The following TTPAL variants were observed in gnomAD, a reference collection of about 807,000 sequenced individuals.
The protein encoded by TTPAL is alpha-tocopherol transfer protein-like.
In TTPAL, 21 loss-of-function variants were observed where a neutral mutation model predicts 28.7. The ratio of observed to expected loss-of-function variants is 0.73; its 90% confidence interval spans 0.52 to 1.06. TTPAL has a LOEUF of 1.06. Among genes scored for constraint, TTPAL ranks in the 50% least tolerant of loss-of-function variants. The pLI, the probability that TTPAL is intolerant of heterozygous loss-of-function variation, is 0.00. For missense variants in TTPAL, 345 were observed against 425.5 expected (o/e 0.81, Z 1.67); for synonymous variants, 169 against 171.9 (o/e 0.98, Z 0.13).
chr20:44,494,094 T>A lies in TTPAL; in HGVS notation c.*4553T>A, dbSNP rs1568779857. 6.8e-6 allele frequency: 1 copy of A among 146,622 alleles called. No individual in the cohort carries two copies. The allele number at this position is 146,622 out of a possible 1,614,324, so 9.1% of individuals were successfully genotyped here. A position where few individuals can be genotyped will look rare whatever the true frequency, so the allele number is the denominator to read the frequency against. On this transcript the variant is annotated 3_prime_UTR_variant, in exon 5 of 5. Transcript: ENST00000262605. ...ACTTAGAGAAATGGTTTGCTTAAAA[T>A]GCTAGTAACAAACATCACAGTCAAC...
Position 44,484,470 on chromosome 20 carries a change from T to C in TTPAL, c.579T>C (p.Ser193=), listed in dbSNP as rs1232140797. The C allele has an allele frequency of 1.5e-5, 24 of 1,597,824 alleles. No individual in the cohort carries two copies. Among genetic ancestry groups the C allele is most frequent in the Non-Finnish European group, 1.9e-5 (22 of 1,166,958 alleles). The change falls in exon 3 of 5, where the codon AGT becomes AGC. Residue 193 remains serine (S), a synonymous_variant. Coordinates refer to ENST00000262605, the MANE Select transcript of TTPAL (RefSeq NM_001039199.3). ...IVILADYKGV[S]LSKASHFGPF... The stretch of plus-strand genomic sequence containing the variant: ...TTCTTGCAGACTACAAAGGAGTGAG[T>C]TTATCAAAAGCATCTCACTTTGGCC...
At chr20:44,489,212 C>A in intron 4 of TTPAL, 51 bp from the exon 5 acceptor site, 1 of 1,554,384 alleles carries the variant, frequency 6.4e-7, no homozygotes, top group Non-Finnish European at 8.8e-7. Flanking sequence ...GAGATTTCTG[C>A]ATTCCTGATT....
chr20:44,484,285 C>A, intron 2 of TTPAL, 52 bp from the exon 3 acceptor site: 2 of 1,252,104 alleles, frequency 1.6e-6, no homozygotes, highest in Admixed American at 2.5e-5. Context: ...TTTGTTTGAC[C>A]ACTTATTTAT....
In TTPAL at chr20:44,475,951, C is replaced by G. The variant is rs2122723337; in HGVS notation, c.-56C>G. 6.6e-6 allele frequency: 1 copy of G among 152,410 alleles called. No individual in the cohort carries two copies. Among genetic ancestry groups the G allele is most frequent in the Non-Finnish European group, 1.5e-5 (1 of 68,066 alleles). The allele number at this position is 152,410 out of a possible 1,614,324, so 9.4% of individuals were successfully genotyped here. On this transcript the variant is annotated 5_prime_UTR_variant, in exon 1 of 5. Transcript: ENST00000262605. ...TCTGCGTGCGCTGCCGGACGAGGCTCCCGCCGCCGATTGACCCGCGCTCCG... is the reference window on the plus strand; with the variant it reads ...TCTGCGTGCGCTGCCGGACGAGGCTGCCGCCGCCGATTGACCCGCGCTCCG...
chr20:44,489,030 G>C (rs2064178580), intron 4 of TTPAL, among the ~76,000 whole-genome samples: 1 of 152,212 alleles, frequency 6.6e-6, no homozygotes, highest in African/African-American at 2.4e-5. Flanking sequence ...GTGGTGGTGA[G>C]GCGGCTGGAT....
Position 44,489,812 on chromosome 20 carries a change from G to A in TTPAL, c.*271G>A. On this transcript the variant is annotated 3_prime_UTR_variant, in exon 5 of 5. Transcript: ENST00000262605. ...TTAATCTGGAGGCTATATCTATTTT[G>A]TTTTGCTTTTTGGTTGGGGGGTGGT... is the stretch of plus-strand genomic sequence containing the variant. 4.9e-6 allele frequency: 2 copies of A among 404,652 alleles called. No homozygotes were observed. Among genetic ancestry groups the A allele is most frequent in the Non-Finnish European group, 8.8e-6 (2 of 226,070 alleles). The allele number at this position is 404,652 out of a possible 1,614,324, so 25.1% of individuals were successfully genotyped here.
chr20:44,481,044 G>A (rs1010663430), intron 2 of TTPAL, among the ~76,000 whole-genome samples: 2 of 152,210 alleles, frequency 1.3e-5, no homozygotes, highest in African/African-American at 4.8e-5. Flanking sequence ...GTGCAAGGGT[G>A]CGGACTGGGC....
Position 44,489,891 on chromosome 20 carries a change from T to C in TTPAL, c.*350T>C, listed in dbSNP as rs1033974121. 1.3e-5 allele frequency: 3 copies of C among 225,288 alleles called. No individual in the cohort carries two copies. The highest frequency in any genetic ancestry group is 6.8e-5 in the African/African-American group (3 of 44,056). The allele number at this position is 225,288 out of a possible 1,614,324, so 14.0% of individuals were successfully genotyped here. On this transcript the variant is annotated 3_prime_UTR_variant, in exon 5 of 5. Coordinates refer to ENST00000262605, the MANE Select transcript of TTPAL (RefSeq NM_001039199.3). The stretch of plus-strand genomic sequence containing the variant: ...AGAACAATCAGGACCAAAGTCACTT[T>C]GATCCCACTTTTCCAGGAGAAAAAC...
In TTPAL at chr20:44,484,334, T is replaced by C; in HGVS notation, c.446-3T>C. ...ACATACTGTCAATCTCTTATGACCT[T>C]AGACAGATGGATACCAAGCAACTAT... is the stretch of plus-strand genomic sequence containing the variant. On this transcript the variant is annotated splice_polypyrimidine_tract_variant and splice_region_variant and intron_variant, in intron 2 of 4. Coordinates refer to ENST00000262605, the MANE Select transcript of TTPAL (RefSeq NM_001039199.3). The C allele has an allele frequency of 6.4e-7, 1 of 1,564,610 alleles. No homozygotes were observed. Among genetic ancestry groups the C allele is most frequent in the Non-Finnish European group, 8.8e-7 (1 of 1,141,850 alleles).
Position 44,489,429 on chromosome 20 carries a change from C to CT in TTPAL, c.918dup (p.Ala307CysfsTer3). ...GTGAAAGAGTTCTGCCAACCTGTTC[C>CT]TGCCTGTGACAGCATCCTGGGCCAG... is the stretch of plus-strand genomic sequence containing the variant. On this transcript the variant is annotated frameshift_variant, in exon 5 of 5. Transcript: ENST00000262605. LOFTEE classifies it high-confidence loss of function. 6.2e-7 allele frequency: 1 copy of CT among 1,614,226 alleles called. No homozygotes were observed. The highest frequency in any genetic ancestry group is 1.1e-5 in the South Asian group (1 of 91,084).
chr20:44,479,916 C>A, intron 1 of TTPAL, 69 bp from the exon 2 acceptor site: 1 of 1,342,890 alleles, frequency 7.4e-7, no homozygotes, highest in Non-Finnish European at 1.0e-6. Context: ...TTCCTGTCCC[C>A]TACACTGTAC....
chr20:44,485,890 T>C (rs1259844229), intron 3 of TTPAL: 1 of 152,228 alleles, frequency 6.6e-6, no homozygotes, highest in East Asian at 1.9e-4. Flanking sequence ...GGAAACTCAC[T>C]TGATTATGCT....
intron 4 of TTPAL, 61 bp from the exon 5 acceptor site, chr20:44,489,202 G>A (rs1479805209): frequency 2.0e-6 from 3 of 1,532,450 alleles, no homozygotes; most frequent in Non-Finnish European, 2.7e-6. Context: ...TACCATGGAG[G>A]AGATTTCTGC....
At position 44,489,737 on chromosome 20, in the gene TTPAL, G is replaced by A. The variant is rs1400000669; in HGVS notation, c.*196G>A. 3.4e-6 allele frequency: 2 copies of A among 582,448 alleles called. No homozygotes were observed. The highest frequency in any genetic ancestry group is 1.9e-5 in the African/African-American group (1 of 53,718). The allele number at this position is 582,448 out of a possible 1,614,324, so 36.1% of individuals were successfully genotyped here. A position where few individuals can be genotyped will look rare whatever the true frequency, so the allele number is the denominator to read the frequency against. ...CTTTAATTACTCCATGGAAGACATG[G>A]AAAATGTCCCCACTGATTCTTAAAC... On this transcript the variant is annotated 3_prime_UTR_variant, in exon 5 of 5. Coordinates refer to ENST00000262605, the MANE Select transcript of TTPAL (RefSeq NM_001039199.3).
Position 44,492,226 on chromosome 20 carries a change from G to C in TTPAL, c.*2685G>C, listed in dbSNP as rs1368107187. The C allele has an allele frequency of 6.6e-6, 1 of 152,420 alleles. No individual in the cohort carries two copies. Among genetic ancestry groups the C allele is most frequent in the East Asian group, 1.9e-4 (1 of 5,334 alleles). 9.4% of individuals were successfully genotyped at this position (152,420 alleles called of 1,614,324 possible). A position where few individuals can be genotyped will look rare whatever the true frequency, so the allele number is the denominator to read the frequency against. ...TGTCAGGCTGTCTCAGCAGGGTGGG[G>C]AATGACCAGCCAGGGAGCACAGTGA... is the stretch of plus-strand genomic sequence containing the variant. On this transcript the variant is annotated 3_prime_UTR_variant, in exon 5 of 5. Transcript: ENST00000262605.
rs1460536269 is a variant in TTPAL at position 44,492,726 on chromosome 20, G to A, written c.*3185G>A. On this transcript the variant is annotated 3_prime_UTR_variant, in exon 5 of 5. Transcript: ENST00000262605. ...CCCCATATCCCAACATGGAATTCTG[G>A]AAAACTGTGCCTCTTCCCCTGTTCT... The A allele has an allele frequency of 6.6e-6, 1 of 152,166 alleles. No individual in the cohort carries two copies. The highest frequency in any genetic ancestry group is 1.9e-4 in the East Asian group (1 of 5,338). The allele number at this position is 152,166 out of a possible 1,614,324, so 9.4% of individuals were successfully genotyped here. A position where few individuals can be genotyped will look rare whatever the true frequency, so the allele number is the denominator to read the frequency against.
intron 2 of TTPAL, among the ~76,000 whole-genome samples, chr20:44,481,726 A>T (rs1217915873): frequency 6.6e-6 from 1 of 151,890 alleles, no homozygotes; most frequent in Non-Finnish European, 1.5e-5. Context: ...CATTCCCCAA[A>T]CTCTCTTTGG....
chr20:44,481,073 C>A (rs2064100844), intron 2 of TTPAL, among the ~76,000 whole-genome samples: 1 of 152,176 alleles, frequency 6.6e-6, no homozygotes, highest in Admixed American at 6.5e-5. Context: ...GGAAAGGTGC[C>A]TCCTCTGTGC....
chr20:44,483,802 T>A (rs971209718), intron 2 of TTPAL, among the ~76,000 whole-genome samples: 2 of 151,970 alleles, frequency 1.3e-5, no homozygotes, highest in Non-Finnish European at 2.9e-5. Context: ...GAGTGCATAC[T>A]TTTTTTTATA....
Sources: allele counts gnomAD v4.1 joint callset (sites outside exome capture counted in the v4.1 genomes callset), GRCh38; gene constraint gnomAD v4.1.1; transcripts MANE v1.5; gene names NCBI Gene and HGNC (gene_info 2026-07-23, HGNC 2026-07-21).